Variants in PCDHA8 observed in about 807,000 individuals in gnomAD.
The protein encoded by PCDHA8 is protocadherin alpha 8.
A neutral mutation model predicts 61.8 loss-of-function variants in PCDHA8; 53 were observed. The ratio of observed to expected loss-of-function variants is 0.86; its 90% CI spans 0.69 to 1.08. The LOEUF is 1.08. PCDHA8 is among the 50% of genes least tolerant of loss of function. The pLI, the probability that PCDHA8 is intolerant of heterozygous loss-of-function variation, is 0.00. For missense variants in PCDHA8, 1,293 were observed against 1,245.0 expected, an observed-to-expected ratio of 1.04 and a Z score of -0.58; for synonymous variants, 618 against 556.6, an observed-to-expected ratio of 1.11 and a Z score of -1.55.
intron 1 of PCDHA8, chr5:140,870,574 T>C (rs1429082420): frequency 6.2e-7 from 1 of 1,613,934 alleles, no homozygotes; most frequent in Non-Finnish European, 8.5e-7. Flanking sequence ...GCTGGTGTCC[T>C]ACTCGCTGGT....
intron 1 of PCDHA8, among the ~76,000 whole-genome samples, chr5:140,891,445 G>T (rs1036846382): frequency 6.7e-6 from 1 of 148,520 alleles, no homozygotes; most frequent in Non-Finnish European, 1.5e-5. Context: ...CCATTGTATA[G>T]GATTTTTGAA....
intron 1 of PCDHA8, chr5:140,927,826 G>T (rs782694866): frequency 2.5e-6 from 4 of 1,614,076 alleles, no homozygotes; most frequent in Middle Eastern, 3.3e-4. Flanking sequence ...ATACATTGAG[G>T]CGAGGGACGA....
intron 1 of PCDHA8, chr5:140,853,385 A>C (rs2042733783): frequency 3.0e-6 from 3 of 986,050 alleles, no homozygotes; most frequent in Non-Finnish European, 3.7e-6. Flanking sequence ...AATTCAAAAC[A>C]GCCTGTCAAG....
intron 1 of PCDHA8, chr5:140,848,306 T>C (rs1781428970): frequency 1.4e-6 from 1 of 705,366 alleles, no homozygotes; most frequent in South Asian, 2.0e-5. Context: ...GTGATGTCAC[T>C]CTTTGCCGCG....
rs576672695 is a variant in PCDHA8, at chr5:140,976,134, A to G, written c.2395-2815A>G. On this transcript the variant is annotated intron_variant, in intron 1 of 3. Transcript: ENST00000531613. ...TTTTCCAAGTTTAATCAAGTTCTGG[A>G]TGAAACTCATGTACATTTTACTACT... Among the ~76,000 whole-genome samples the G allele has an allele frequency of 2.0e-5, 3 of 152,348 alleles. No homozygotes were observed. In the East Asian group the frequency reaches 5.8e-4, roughly 29 times the overall value.
At chr5:140,875,235 A>G in intron 1 of PCDHA8, 1 of 869,906 alleles carries the variant, frequency 1.1e-6, no homozygotes, top group South Asian at 2.5e-5. Context: ...TCTTTCTTGT[A>G]CTTACATAAT....
chr5:140,951,544 G>T (rs543008494), intron 1 of PCDHA8, among the ~76,000 whole-genome samples: 1 of 151,878 alleles, frequency 6.6e-6, no homozygotes, highest in Non-Finnish European at 1.5e-5. Flanking sequence ...AGCAAGGGAC[G>T]GGGGGAAGTG....
intron 1 of PCDHA8, chr5:140,926,696 C>A: frequency 1.3e-6 from 1 of 771,792 alleles, no homozygotes; most frequent in Non-Finnish European, 1.9e-6. Context: ...GCAAGCCCGG[C>A]TCCCAGCTGG....
At position 141,009,772 on chromosome 5, in the gene PCDHA8, C is replaced by G. The variant is rs782009776; in HGVS notation, c.2688C>G (p.Ile896Met). Residue 896 changes from isoleucine (I) to methionine (M), a missense_variant, in exon 4 of 4, where the codon ATC becomes ATG. By Grantham distance (10) the Ile-to-Met change is conservative (BLOSUM62 1). Transcript: ENST00000531613. ...TCATTATCCCAGGATCTCCTGCAAT[C>G]ATCTCCATCCGGCAGGAGCCTACTA... ...DKFIIPGSPA[I>M]ISIRQEPTNS... 4 of 1,614,158 alleles carry G rather than the reference C, an allele frequency of 2.5e-6. No individual in the cohort carries two copies. The East Asian group carries it at 8.9e-5, about 36-fold the overall frequency.
At chr5:141,007,015 A>G (rs1342063703) in intron 3 of PCDHA8, among the ~76,000 whole-genome samples, 1 of 152,210 alleles carries the variant, frequency 6.6e-6, no homozygotes, top group Non-Finnish European at 1.5e-5. Flanking sequence ...TCATCAGCTT[A>G]TTCATATGGT....
Position 141,012,063 on chromosome 5 carries a change from T to C in PCDHA8, c.*2126T>C, listed in dbSNP as rs948658172. ...TGGGGTAAAACTTGTTACCAACACATGTGAACCATTGCTACATTGTAGGTT... is the reference window on the plus strand; with the variant it reads ...TGGGGTAAAACTTGTTACCAACACACGTGAACCATTGCTACATTGTAGGTT... On this transcript the variant is annotated 3_prime_UTR_variant, in exon 4 of 4. Transcript: ENST00000531613. The C allele has an allele frequency of 1.3e-5, 2 of 153,778 alleles. No individual in the cohort carries two copies. The highest frequency in any genetic ancestry group is 3.8e-4 in the East Asian group (2 of 5,196). The allele number at this position is 153,778 out of a possible 1,614,324, so 9.5% of individuals were successfully genotyped here. A position where few individuals can be genotyped will look rare whatever the true frequency, so the allele number is the denominator to read the frequency against.
chr5:140,869,229 C>G, intron 1 of PCDHA8: 1 of 1,613,752 alleles, frequency 6.2e-7, no homozygotes, highest in Non-Finnish European at 8.5e-7. Context: ...CCAAACACGG[C>G]ACCTTCGTGG....
rs1554156315 is a variant in PCDHA8 at position 140,862,411 on chromosome 5, A to C, written c.2394+18696A>C. ...CTTCAAGCTGGTGTCTACCTTCAAA[A>C]GGCGCTGCCCAGAAACTATTCGTTG... On this transcript the variant is annotated intron_variant, in intron 1 of 3. Transcript: ENST00000531613. 3 of 349,868 alleles carry C rather than the reference A, an allele frequency of 8.6e-6. No individual in the cohort carries two copies. The Admixed American group carries it at 1.1e-4, about 13-fold the overall frequency. The allele number at this position is 349,868 out of a possible 1,614,324, so 21.7% of individuals were successfully genotyped here.
chr5:140,990,834 A>G (rs1554251782), intron 3 of PCDHA8, among the ~76,000 whole-genome samples: 1 of 152,234 alleles, frequency 6.6e-6, no homozygotes, highest in East Asian at 1.9e-4. Flanking sequence ...AAAGCCTATT[A>G]GCAAAAATAG....
At chr5:140,976,688 G>T (rs1343503965) in intron 1 of PCDHA8, among the ~76,000 whole-genome samples, 2 of 152,118 alleles carry the variant, frequency 1.3e-5, no homozygotes, top group East Asian at 3.8e-4. Context: ...TGCAATTTAA[G>T]TACAATAATG....
chr5:140,965,928 C>T (rs2095948805), intron 1 of PCDHA8, among the ~76,000 whole-genome samples: 1 of 152,198 alleles, frequency 6.6e-6, no homozygotes, highest in South Asian at 2.1e-4. Flanking sequence ...GGCTTGCTCC[C>T]GGAAAGAGGG....
intron 1 of PCDHA8, among the ~76,000 whole-genome samples, chr5:140,964,252 T>C (rs569615423): frequency 4.6e-5 from 7 of 152,332 alleles, no homozygotes; most frequent in African/African-American, 1.7e-4. Context: ...GGCTTTATAT[T>C]TGACTCCTTA....
At chr5:140,997,910 A>T (rs2097790102) in intron 3 of PCDHA8, among the ~76,000 whole-genome samples, 2 of 152,234 alleles carry the variant, frequency 1.3e-5, no homozygotes. Flanking sequence ...AAGTAGAATT[A>T]CAGAATCATA....
intron 1 of PCDHA8, among the ~76,000 whole-genome samples, chr5:140,907,596 G>A (rs1554193068): frequency 2.0e-5 from 3 of 152,214 alleles, no homozygotes; most frequent in African/African-American, 7.2e-5. Flanking sequence ...ATCACCCTGA[G>A]GAATGGTGCC....
Sources: allele counts gnomAD v4.1 joint callset (sites outside exome capture counted in the v4.1 genomes callset), GRCh38; gene constraint gnomAD v4.1.1; transcripts MANE v1.5; gene names NCBI Gene and HGNC (gene_info 2026-07-23, HGNC 2026-07-21).